EXT2: variants seen among roughly 807,000 people sequenced by gnomAD.
EXT2 encodes exostosin glycosyltransferase 2.
Under a neutral mutation model 81.6 loss-of-function variants are expected in EXT2, and 53 were observed. That is an observed-to-expected ratio of 0.65 (90% CI 0.52 to 0.82). The LOEUF is 0.82. EXT2 is among the 40% of genes least tolerant of loss of function. The pLI is 0.00. For synonymous variants in EXT2, 320 were observed against 340.0 expected (o/e 0.94, Z 0.65); for missense variants, 774 against 910.2 (o/e 0.85, Z 1.93).
At chr11:44,145,073 C>T (rs1954698430) in intron 7 of EXT2, among the ~76,000 whole-genome samples, 3 of 152,018 alleles carry the variant, frequency 2.0e-5, no homozygotes, top group Non-Finnish European at 4.4e-5. Context: ...CAGAAAAAAA[C>T]TAGATCTTGC....
At position 44,102,100 on chromosome 11, in the gene EXT2, C is replaced by T. The variant is rs77273271; in HGVS notation, c.-30-5583C>T. ...ATTGAAGGGGAGGCTGGATCTCTTTCGGGAAAGATCTTGCAACATTCCTGC... is the reference window on the plus strand; with the variant it reads ...ATTGAAGGGGAGGCTGGATCTCTTTTGGGAAAGATCTTGCAACATTCCTGC... On this transcript the variant is annotated intron_variant, in intron 1 of 13. Coordinates refer to ENST00000533608, the MANE Select transcript of EXT2 (RefSeq NM_207122.2). 3.0e-4 allele frequency among the ~76,000 whole-genome samples: 46 copies of T among 152,270 alleles called. 2 individuals carry two copies. The East Asian group carries it at 8.3e-3, about 27-fold the overall frequency.
intron 10 of EXT2, among the ~76,000 whole-genome samples, chr11:44,229,005 C>A (rs971148565): frequency 1.3e-5 from 2 of 152,308 alleles, no homozygotes. Flanking sequence ...GAAGTGCCAA[C>A]TGAATTGGAT....
At chr11:44,233,400 G>A (rs1955921674) in intron 11 of EXT2, among the ~76,000 whole-genome samples, 1 of 152,120 alleles carries the variant, frequency 6.6e-6, no homozygotes, top group African/African-American at 2.4e-5. Context: ...AATTCCTTTT[G>A]TGTATTTATT....
chr11:44,138,414 A>C (rs1464144452), intron 7 of EXT2, among the ~76,000 whole-genome samples: 1 of 152,170 alleles, frequency 6.6e-6, no homozygotes, highest in African/African-American at 2.4e-5. Flanking sequence ...CCTAGTCTGC[A>C]GCTGGAACCT....
intron 7 of EXT2, among the ~76,000 whole-genome samples, chr11:44,143,855 T>G (rs1157041705): frequency 6.6e-6 from 1 of 152,048 alleles, no homozygotes; most frequent in Non-Finnish European, 1.5e-5. Context: ...TGCCAGAGAG[T>G]GTCTCCTTGG....
intron 10 of EXT2, among the ~76,000 whole-genome samples, chr11:44,212,963 T>G (rs896010050): frequency 1.1e-3 from 161 of 152,168 alleles, no homozygotes; most frequent in African/African-American, 3.8e-3. Context: ...TATTATGATA[T>G]GGTGGTGGTT....
chr11:44,250,438 TC>T lies in EXT2; in HGVS notation c.*6155del, dbSNP rs932582034. 6.6e-6 allele frequency among the ~76,000 whole-genome samples: 1 copy of T among 152,174 alleles called. No homozygotes were observed. Among genetic ancestry groups the T allele is most frequent in the African/African-American group, 2.4e-5 (1 of 41,442 alleles). On this transcript the variant is annotated 3_prime_UTR_variant, in exon 14 of 14. Transcript: ENST00000533608. The stretch of plus-strand genomic sequence containing the variant: ...AGATGGAATGATGTATCATATCTCT[TC>T]CCCTTTTATTAACCAGATCGTTTAC...
chr11:44,243,618 C>CTTT lies in EXT2; in HGVS notation c.2019-508_2019-506dup, dbSNP rs1215047805. ...ATTGTTTGAAATTTGGCCCTGTCAC[C>CTTT]TTTTTTTTTTTTTTTTTTTTTTTTT... On this transcript the variant is annotated intron_variant, in intron 13 of 13. Coordinates refer to ENST00000533608, the MANE Select transcript of EXT2 (RefSeq NM_207122.2). Among the ~76,000 whole-genome samples, 192 of 72,888 alleles carry CTTT rather than the reference C, an allele frequency of 2.6e-3. 2 individuals carry two copies. The highest frequency in any genetic ancestry group is 9.2e-3 in the African/African-American group (164 of 17,876). The allele number at this position is 72,888 out of a possible 152,430, so 47.8% of individuals were successfully genotyped here.
rs1036281975 is a variant in EXT2, at chr11:44,250,258, G to A, written c.*5971G>A. 2.0e-5 allele frequency among the ~76,000 whole-genome samples: 3 copies of A among 152,212 alleles called. No individual in the cohort carries two copies. Among genetic ancestry groups the A allele is most frequent in the African/African-American group, 7.2e-5 (3 of 41,452 alleles). On this transcript the variant is annotated 3_prime_UTR_variant, in exon 14 of 14. Transcript: ENST00000533608. ...AAGCATGTATGTTTTAGTCCCAGCTGTAAATGAGGATTCCATTAACCCCAT... is the reference window on the plus strand; with the variant it reads ...AAGCATGTATGTTTTAGTCCCAGCTATAAATGAGGATTCCATTAACCCCAT...
intron 1 of EXT2, among the ~76,000 whole-genome samples, chr11:44,101,699 G>A (rs1042628370): frequency 1.3e-5 from 2 of 152,172 alleles, no homozygotes; most frequent in African/African-American, 4.8e-5. Context: ...TGTAGGACAA[G>A]ATTGACCTTA....
intron 7 of EXT2, among the ~76,000 whole-genome samples, chr11:44,136,175 G>A (rs943481302): frequency 6.6e-6 from 1 of 152,200 alleles, no homozygotes; most frequent in Non-Finnish European, 1.5e-5. Flanking sequence ...TCCCTGTGCT[G>A]CTGGCCAGTC....
chr11:44,186,987 T>TCCC (rs1955320527), intron 8 of EXT2, among the ~76,000 whole-genome samples: 3 of 29,618 alleles, frequency 1.0e-4, no homozygotes, highest in African/African-American at 3.9e-4. Flanking sequence ...CAAAATTTCC[T>TCCC]TCCTTCCTTC....
intron 8 of EXT2, among the ~76,000 whole-genome samples, chr11:44,183,893 C>A (rs1955271933): frequency 6.6e-6 from 1 of 152,052 alleles, no homozygotes; most frequent in Admixed American, 6.6e-5. Context: ...ATTCTTCATC[C>A]AATTTTCTGA....
chr11:44,125,558 A>G (rs1167622772), intron 5 of EXT2, among the ~76,000 whole-genome samples: 1 of 152,080 alleles, frequency 6.6e-6, no homozygotes, highest in South Asian at 2.1e-4. Context: ...GATGTTTTAT[A>G]TGTAGGATAT....
rs1953894377 is a variant in EXT2, at chr11:44,096,277, G to C, written c.-31+425G>C. ...GATGTCCTGCGCCTCAGGGTCCGGT[G>C]GTGGCCTGCGGCATCCCTTGCGGTG... is the stretch of plus-strand genomic sequence containing the variant. On this transcript the variant is annotated intron_variant, in intron 1 of 13. Transcript: ENST00000533608. 2.0e-6 allele frequency: 3 copies of C among 1,536,014 alleles called. No homozygotes were observed. In the South Asian group the frequency reaches 3.6e-5, roughly 18 times the overall value.
chr11:44,166,669 A>G (rs1954998551), intron 7 of EXT2, among the ~76,000 whole-genome samples: 1 of 152,230 alleles, frequency 6.6e-6, no homozygotes, highest in South Asian at 2.1e-4. Flanking sequence ...ACTAGAAAGT[A>G]TCTTTTTCCT....
chr11:44,123,298 A>AAAAC, intron 4 of EXT2, among the ~76,000 whole-genome samples: 1 of 152,368 alleles, frequency 6.6e-6, no homozygotes, highest in Non-Finnish European at 1.5e-5. Flanking sequence ...TTCAAAGCCA[A>AAAAC]AAACAAACAA....
At chr11:44,211,800 C>T (rs1441697682) in intron 10 of EXT2, among the ~76,000 whole-genome samples, 1 of 151,958 alleles carries the variant, frequency 6.6e-6, no homozygotes, top group Non-Finnish European at 1.5e-5. Flanking sequence ...AATAAGTATG[C>T]AAGGTGATGG....
chr11:44,171,544 G>A (rs962698174), intron 7 of EXT2, 67 bp from the exon 8 acceptor site: 1 of 1,611,286 alleles, frequency 6.2e-7, no homozygotes, highest in Non-Finnish European at 8.5e-7. Flanking sequence ...AGTTGACTAT[G>A]ATAGAGTATC....
Sources: gnomAD v4.1 joint callset for allele counts (sites outside exome capture counted in the v4.1 genomes callset) on GRCh38, gnomAD v4.1.1 for gene constraint, MANE v1.5 for transcripts, NCBI Gene and HGNC (gene_info 2026-07-23, HGNC 2026-07-21) for gene names.